HR: variants seen among roughly 807,000 people sequenced by gnomAD.
The protein encoded by HR is HR lysine demethylase and nuclear receptor corepressor, also known as lysine-specific demethylase hairless.
HR carries 83 observed loss-of-function variants against 128.6 expected under a neutral mutation model. The observed-to-expected ratio is 0.65, with a 90% CI of 0.54 to 0.77. The LOEUF (loss-of-function observed/expected upper bound fraction) is 0.77. Among genes scored for constraint, HR ranks in the 30% least tolerant of loss-of-function variants. HR has a pLI of 0.00. For synonymous variants in HR, 681 were observed against 658.2 expected (o/e 1.03, Z -0.53); for missense variants, 1,490 against 1,574.6 (o/e 0.95, Z 0.91).
intron 5 of HR, among the ~76,000 whole-genome samples, 187 bp downstream of exon 5, chr8:22,125,124 A>G (rs1323260693): frequency 1.3e-5 from 2 of 152,196 alleles, no homozygotes; most frequent in African/African-American, 4.8e-5. Flanking sequence ...TTTTCCCAAC[A>G]AGCCCAAAAA....
chr8:22,115,558 G>A lies in HR; in HGVS notation c.*142C>T, dbSNP rs532242081. 3.4e-5 allele frequency: 25 copies of A among 738,020 alleles called. No homozygotes were observed. The highest frequency in any genetic ancestry group is 5.8e-5 in the Non-Finnish European group (24 of 414,104). The allele number at this position is 738,020 out of a possible 1,614,324, so 45.7% of individuals were successfully genotyped here. On this transcript the variant is annotated 3_prime_UTR_variant, in exon 19 of 19. Transcript: ENST00000381418. ...GGCTTAAGGGGGAGGGGAACAGAGT[G>A]CCCTGCTTGTGCCCAGAGTGGTGCT...
At position 22,129,321 on chromosome 8, in the gene HR, AAGGCAAGTGCC is replaced by A; in HGVS notation, c.-40-122_-40-112del. The A allele has an allele frequency of 5.9e-6, 5 of 852,912 alleles. No homozygotes were observed. The South Asian group carries it at 1.1e-4, about 19-fold the overall frequency. The allele number at this position is 852,912 out of a possible 1,614,324, so 52.8% of individuals were successfully genotyped here. A position where few individuals can be genotyped will look rare whatever the true frequency, so the allele number is the denominator to read the frequency against. ...CAACACTGAGGCAGCTCAAACCAGT[AAGGCAAGTGCC>A]AGCCCACAACTGGGCACCATGCTGC... On this transcript the variant is annotated intron_variant, in intron 1 of 18. Transcript: ENST00000381418.
intron 2 of HR, 196 bp downstream of exon 2, chr8:22,128,363 A>G: frequency 1.4e-6 from 1 of 693,626 alleles, no homozygotes; most frequent in Non-Finnish European, 2.5e-6. Flanking sequence ...AGGGCAGGGG[A>G]GGCCTAGAGA....
chr8:22,116,888 C>A lies in HR; in HGVS notation c.3365G>T (p.Gly1122Val). The change falls in exon 17 of 19, where the codon GGG (glycine) becomes GTG (valine). Residue 1122 changes from glycine to valine, a missense_variant. Around this residue, in one of 3 missense-constraint regions of HR, gnomAD observed 423 missense variants for 495.9 expected, o/e 0.85. Transcript: ENST00000381418. The surrounding 1 kb of genome is among the most constrained non-coding windows in gnomAD (Gnocchi z 4.2). ...GCTGGGAAGCACCTGGTGGGGAGCC[C>A]CTGCAGGCACCAGCACGGCCTCTCC... ...APGEAVLVPA[G>V]APHQVQGLVS... is the part of the protein sequence containing the mutation. The A allele has an allele frequency of 6.4e-7, 1 of 1,571,054 alleles. No individual in the cohort carries two copies.
chr8:22,120,506 G>C lies in HR; in HGVS notation c.2612C>G (p.Pro871Arg). The C allele has an allele frequency of 6.2e-7, 1 of 1,613,754 alleles. No individual in the cohort carries two copies. The highest frequency in any genetic ancestry group is 8.5e-7 in the Non-Finnish European group (1 of 1,180,020). Residue 871 changes from proline to arginine, a missense_variant and splice_region_variant, in exon 12 of 19, where the codon CCT (proline) becomes CGT (arginine). Physicochemically the swap from Pro to Arg is moderately radical, Grantham distance 103. This residue lies in a region of HR where 423 missense variants were observed against 495.9 expected (regional missense o/e 0.85). Transcript: ENST00000381418. The stretch of plus-strand genomic sequence containing the variant: ...CCTTTGGATCCCTGACACCAACACA[G>C]GCTGTGGTGGGAAAGGAAGGAGGCC... ...LFQEHWRQGQ[P>R]VLVSGIQRTL...
In HR at chr8:22,119,176, G is replaced by A. The variant is rs772688334; in HGVS notation, c.3085C>T (p.Arg1029Trp). 9.9e-6 allele frequency: 16 copies of A among 1,613,712 alleles called. No homozygotes were observed. The highest frequency in any genetic ancestry group is 6.7e-5 in the East Asian group (3 of 44,900). The change falls in exon 15 of 19, where the codon CGG becomes TGG. Residue 1029 changes from arginine (R) to tryptophan (W), a missense_variant. Coordinates refer to ENST00000381418, the MANE Select transcript of HR (RefSeq NM_005144.5). Reference sequence around the variant, plus strand: ...GCCGAGGACCTACCTTTCTGTGCCCGGTGCCAGGCAGGCAGTGGTGTGTCG... The same window carrying A: ...GCCGAGGACCTACCTTTCTGTGCCCAGTGCCAGGCAGGCAGTGGTGTGTCG... ...HADTPLPAWH[R>W]AQKDFLSGLD... is the part of the protein sequence containing the mutation.
chr8:22,121,721 A>G, intron 8 of HR, 27 bp from the exon 9 acceptor site: 1 of 1,605,080 alleles, frequency 6.2e-7, no homozygotes, highest in Non-Finnish European at 8.5e-7. Context: ...CCACCCCCCC[A>G]ATCCAACCAG....
rs779878280 is a variant in HR at position 22,120,054 on chromosome 8, G to A, written c.2846+50C>T. 15 of 1,565,844 alleles carry A rather than the reference G, an allele frequency of 9.6e-6. No homozygotes were observed. The African/African-American group carries it at 1.3e-4, about 14-fold the overall frequency. ...GGAGGAGGGGAGGGCTGAACCAGGC[G>A]GGGCCTGCGGTGGCGGGGAGGTAGG... On this transcript the variant is annotated intron_variant, in intron 13 of 18. Coordinates refer to ENST00000381418, the MANE Select transcript of HR (RefSeq NM_005144.5).
intron 8 of HR, 37 bp from the exon 9 acceptor site, chr8:22,121,731 G>C: frequency 3.1e-6 from 5 of 1,595,042 alleles, no homozygotes; most frequent in Non-Finnish European, 3.4e-6. Flanking sequence ...AATCCAACCA[G>C]AGATTTTAAA....
chr8:22,117,084 C>A (rs1826611954), intron 16 of HR, 45 bp from the exon 17 acceptor site: 1 of 1,447,146 alleles, frequency 6.9e-7, no homozygotes, highest in South Asian at 1.4e-5. Context: ...GAGGGAAGGG[C>A]AGGGCTGCAG....
At chr8:22,122,642 G>C in intron 7 of HR, 34 bp from the exon 8 acceptor site, 1 of 1,560,112 alleles carries the variant, frequency 6.4e-7, no homozygotes, top group Non-Finnish European at 8.8e-7. Context: ...AGGGAGGTTG[G>C]TGGTGAGTGT....
intron 9 of HR, 58 bp from the exon 10 acceptor site, chr8:22,121,286 G>A: frequency 6.3e-7 from 1 of 1,589,156 alleles, no homozygotes; most frequent in Non-Finnish European, 8.6e-7. Context: ...TTCCCCTCGA[G>A]GCCCTCTTGC....
chr8:22,125,255 G>T, intron 5 of HR, 56 bp downstream of exon 5: 1 of 1,527,446 alleles, frequency 6.5e-7, no homozygotes, highest in Non-Finnish European at 8.9e-7. Context: ...TCAGGGGAGG[G>T]ACACCTGGGG....
rs765635054 is a variant in HR at position 22,127,020 on chromosome 8, C to T, written c.1405+17G>A. 2 of 1,608,612 alleles carry T rather than the reference C, an allele frequency of 1.2e-6. No homozygotes were observed. The highest frequency in any genetic ancestry group is 4.5e-5 in the East Asian group (2 of 44,858). On this transcript the variant is annotated intron_variant, in intron 3 of 18. Coordinates refer to ENST00000381418, the MANE Select transcript of HR (RefSeq NM_005144.5). ...CCCCTCCCACGCAGGGCCTGCAGCC[C>T]CTCCTGGCCCCCTTACCTTTCTGCT...
At chr8:22,122,132 G>C (rs1826769598) in intron 8 of HR, among the ~76,000 whole-genome samples, 1 of 152,200 alleles carries the variant, frequency 6.6e-6, no homozygotes, top group Non-Finnish European at 1.5e-5. Flanking sequence ...CGCCTGCTAG[G>C]TGTTAGGTGC....
chr8:22,120,442 C>T lies in HR; in HGVS notation c.2676G>A (p.Gly892=). The T allele has an allele frequency of 6.2e-7, 1 of 1,614,032 alleles. No homozygotes were observed. The highest frequency in any genetic ancestry group is 8.5e-7 in the Non-Finnish European group (1 of 1,180,012). The part of the protein sequence containing the change: ...QGNLWGTEAL[G]ALGGQVQALS... ...GCGCCTGCACCTGGCCTCCAAGTGC[C>T]CCAAGAGCTTCTGTCCCCCACAGGT... The change falls in exon 12 of 19, where the codon GGG becomes GGA. Residue 892 remains glycine, a synonymous_variant. Coordinates refer to ENST00000381418, the MANE Select transcript of HR (RefSeq NM_005144.5).
rs758368200 is a variant in HR at position 22,120,339 on chromosome 8, T to TA, written c.2776+2dup. 6.9e-5 allele frequency: 112 copies of TA among 1,613,600 alleles called. No homozygotes were observed. The highest frequency in any genetic ancestry group is 8.9e-5 in the Non-Finnish European group (105 of 1,179,978). On this transcript the variant is annotated splice_region_variant and intron_variant, in intron 12 of 18. Transcript: ENST00000381418. ...CCCTCTCCCCTGTGTTGGGGACACTTACGCTCAGGCCAGGAGAAGCCCTCC... is the reference window on the plus strand; with the variant it reads ...CCCTCTCCCCTGTGTTGGGGACACTTAACGCTCAGGCCAGGAGAAGCCCTCC...
rs1191426410 is a variant in HR, at chr8:22,128,655, G to A, written c.516C>T (p.Pro172=). ...CLPPYLVSGL[P]PEHPCDWPLT... ...GGGGCCAGTCACATGGATGCTCTGG[G>A]GGCAGGCCAGACACTAGGTAGGGTG... The change falls in exon 2 of 19, where the codon CCC becomes CCT. Residue 172 remains proline, a synonymous_variant. Transcript: ENST00000381418. The A allele has an allele frequency of 6.3e-7, 1 of 1,590,650 alleles. No individual in the cohort carries two copies. Among genetic ancestry groups the A allele is most frequent in the Non-Finnish European group, 8.6e-7 (1 of 1,169,282 alleles).
chr8:22,124,677 G>A (rs901778673), intron 5 of HR, among the ~76,000 whole-genome samples: 1 of 152,216 alleles, frequency 6.6e-6, no homozygotes, highest in Non-Finnish European at 1.5e-5. Flanking sequence ...GGCCCCAGAG[G>A]ATGAGTAAGT....
Sources: allele counts gnomAD v4.1 joint callset (sites outside exome capture counted in the v4.1 genomes callset), GRCh38; gene constraint gnomAD v4.1.1; regional missense constraint gnomAD v4.1.1; non-coding constraint Gnocchi (gnomAD v3.1); transcripts MANE v1.5; gene names NCBI Gene and HGNC (gene_info 2026-07-23, HGNC 2026-07-21).